PIGU: variants seen among roughly 807,000 people sequenced by gnomAD.
PIGU encodes the protein phosphatidylinositol glycan anchor biosynthesis class U.
PIGU carries 24 observed loss-of-function variants against 49.9 expected under a neutral mutation model. That is an observed-to-expected ratio of 0.48 (90% CI 0.35 to 0.68). The LOEUF (loss-of-function observed/expected upper bound fraction) is 0.68, where lower values mean the gene tolerates loss of function less well. Ranked by LOEUF, PIGU falls within the 30% of genes least tolerant of loss-of-function variation. PIGU has a pLI of 0.01. For missense variants in PIGU, 490 were observed against 532.6 expected (o/e 0.92, Z 0.79); for synonymous variants, 220 against 205.7 (o/e 1.07, Z -0.59).
intron 7 of PIGU, 82 bp from the exon 8 acceptor site, chr20:34,588,689 C>G: frequency 7.5e-7 from 1 of 1,335,982 alleles, no homozygotes; most frequent in Non-Finnish European, 1.0e-6. Context: ...AGATCCCTCC[C>G]GCAAAACCAT....
intron 1 of PIGU, among the ~76,000 whole-genome samples, chr20:34,666,350 T>C: frequency 6.6e-6 from 1 of 152,102 alleles, no homozygotes; most frequent in Admixed American, 6.6e-5. Flanking sequence ...CCTGTGAAAA[T>C]ACACCAGAGC....
chr20:34,669,587 A>G (rs1034213247), intron 1 of PIGU, among the ~76,000 whole-genome samples: 1 of 151,848 alleles, frequency 6.6e-6, no homozygotes, highest in Middle Eastern at 3.2e-3. Flanking sequence ...GAATTGCTTG[A>G]ACCCAGGAGG....
Position 34,588,484 on chromosome 20 carries a change from A to G in PIGU, c.751T>C (p.Trp251Arg). 6.2e-7 allele frequency: 1 copy of G among 1,614,082 alleles called. No individual in the cohort carries two copies. Among genetic ancestry groups the G allele is most frequent in the Non-Finnish European group, 8.5e-7 (1 of 1,179,938 alleles). Reference sequence around the variant, plus strand: ...CCATAGACTGCGGGGATGAAATCCCAAGAGCTGAGAAGGAAGAAGGAGAGG... The same window carrying G: ...CCATAGACTGCGGGGATGAAATCCCGAGAGCTGAGAAGGAAGAAGGAGAGG... ...ICLSFFLLSS[W>R]DFIPAVYGFI... Residue 251 changes from tryptophan to arginine, a missense_variant, in exon 8 of 12, where the codon TGG becomes CGG. By Grantham distance (101) the Trp-to-Arg change is moderately radical (BLOSUM62 -3). Transcript: ENST00000217446.
intron 2 of PIGU, among the ~76,000 whole-genome samples, 185 bp from the exon 3 acceptor site, chr20:34,645,519 C>T (rs1225662901): frequency 6.6e-6 from 1 of 152,080 alleles, no homozygotes; most frequent in Non-Finnish European, 1.5e-5. Context: ...TTAGTACTGC[C>T]GGACCATTTT....
At chr20:34,645,404 G>A (rs893786439) in intron 2 of PIGU, 70 bp from the exon 3 acceptor site, 53 of 1,464,540 alleles carry the variant, frequency 3.6e-5, no homozygotes, top group Admixed American at 5.5e-5. Context: ...CCAGAGTAGA[G>A]AGTGGGGAGA....
intron 7 of PIGU, among the ~76,000 whole-genome samples, chr20:34,609,136 C>A (rs8122820): frequency 0.39 from 59,873 of 151,688 alleles, 12,338 homozygotes; most frequent in Admixed American, 0.55. Flanking sequence ...AACCAACCAA[C>A]CAAACAAACA....
At position 34,599,008 on chromosome 20, in the gene PIGU, C is replaced by T. The variant is rs549341555; in HGVS notation, c.628-10401G>A. ...TACAGGCACATGCTACCATGCCTGG[C>T]TAATTTTTTCATTTTTTGCAGAGAT... On this transcript the variant is annotated intron_variant, in intron 7 of 11. Coordinates refer to ENST00000217446, the MANE Select transcript of PIGU (RefSeq NM_080476.5). 7.9e-5 allele frequency among the ~76,000 whole-genome samples: 12 copies of T among 152,226 alleles called. No individual in the cohort carries two copies. The South Asian group carries it at 2.5e-3, about 32-fold the overall frequency.
At chr20:34,611,674 A>T (rs1984819874) in intron 7 of PIGU, among the ~76,000 whole-genome samples, 1 of 151,006 alleles carries the variant, frequency 6.6e-6, no homozygotes, top group Non-Finnish European at 1.5e-5. Flanking sequence ...AAGACAAAAA[A>T]AAAAAAACCA....
chr20:34,654,087 G>A lies in PIGU; in HGVS notation c.195+3093C>T, dbSNP rs1441073378. Among the ~76,000 whole-genome samples the A allele has an allele frequency of 5.4e-5, 6 of 110,610 alleles. 2 individuals carry two copies. The highest frequency in any genetic ancestry group is 1.3e-4 in the African/African-American group (4 of 30,346). The allele number at this position is 110,610 out of a possible 152,430, so 72.6% of individuals were successfully genotyped here. A position where few individuals can be genotyped will look rare whatever the true frequency, so the allele number is the denominator to read the frequency against. ...TTGGCCAGGCTGGTCTCGAACTCCC[G>A]ACCTTGTGATCCGCCCGCCTAGGCT... On this transcript the variant is annotated intron_variant, in intron 2 of 11. Coordinates refer to ENST00000217446, the MANE Select transcript of PIGU (RefSeq NM_080476.5).
chr20:34,643,239 C>A (rs1040561637), intron 4 of PIGU, among the ~76,000 whole-genome samples: 4 of 151,848 alleles, frequency 2.6e-5, no homozygotes, highest in African/African-American at 9.7e-5. Context: ...CAATGATATA[C>A]ACACACACAC....
intron 7 of PIGU, among the ~76,000 whole-genome samples, chr20:34,596,098 T>C (rs552209145): frequency 3.8e-4 from 58 of 152,292 alleles, no homozygotes; most frequent in African/African-American, 1.3e-3. Flanking sequence ...CACCAAGTGA[T>C]CAAGGTAAAC....
At chr20:34,639,832 GC>G (rs1319036873) in intron 4 of PIGU, among the ~76,000 whole-genome samples, 1 of 152,156 alleles carries the variant, frequency 6.6e-6, no homozygotes, top group Non-Finnish European at 1.5e-5. Context: ...GATTTATGGT[GC>G]CATTCACAGC....
chr20:34,665,186 T>C (rs1987047132), intron 1 of PIGU, among the ~76,000 whole-genome samples: 1 of 120,148 alleles, frequency 8.3e-6, no homozygotes, highest in Admixed American at 1.1e-4. Context: ...CCACCATGTA[T>C]GGCCAATTTT....
At chr20:34,674,973 G>C (rs1009787602) in intron 1 of PIGU, among the ~76,000 whole-genome samples, 1 of 148,832 alleles carries the variant, frequency 6.7e-6, no homozygotes, top group African/African-American at 2.5e-5. Flanking sequence ...AAGAGGCCAG[G>C]CATGGCGGCT....
intron 11 of PIGU, among the ~76,000 whole-genome samples, chr20:34,569,990 C>T (rs184922245): frequency 6.6e-6 from 1 of 152,290 alleles, no homozygotes; most frequent in East Asian, 1.9e-4. Flanking sequence ...CCTCAGTTTC[C>T]TCATTTGTAT....
chr20:34,661,571 A>C (rs1234257741), intron 1 of PIGU, among the ~76,000 whole-genome samples: 2 of 150,316 alleles, frequency 1.3e-5, no homozygotes, highest in Non-Finnish European at 3.0e-5. Context: ...AATGCTGCAT[A>C]GTGTTCCATG....
chr20:34,614,691 C>T (rs1984942994), intron 7 of PIGU, among the ~76,000 whole-genome samples: 1 of 151,026 alleles, frequency 6.6e-6, no homozygotes, highest in Non-Finnish European at 1.5e-5. Context: ...ATATCTCAAA[C>T]ATAAATAAAG....
intron 11 of PIGU, among the ~76,000 whole-genome samples, chr20:34,563,385 T>G (rs1982608097): frequency 1.3e-5 from 2 of 151,892 alleles, no homozygotes; most frequent in South Asian, 4.1e-4. Flanking sequence ...CTGACCAACA[T>G]GGAGAAACCC....
chr20:34,665,350 C>T (rs895037643), intron 1 of PIGU, among the ~76,000 whole-genome samples: 4 of 150,726 alleles, frequency 2.7e-5, no homozygotes, highest in Non-Finnish European at 4.4e-5. Context: ...ACTACAGGCG[C>T]CCGCTACCAC....
Sources: gnomAD v4.1 joint callset for allele counts (sites outside exome capture counted in the v4.1 genomes callset) on GRCh38, gnomAD v4.1.1 for gene constraint, MANE v1.5 for transcripts, NCBI Gene and HGNC (gene_info 2026-07-23, HGNC 2026-07-21) for gene names.